Variants in SRPK2 observed in about 807,000 individuals in gnomAD.
The protein encoded by SRPK2 is SRSF protein kinase 2.
SRPK2 carries 21 observed loss-of-function variants against 90.8 expected under a neutral mutation model. That is an observed-to-expected ratio of 0.23 (90% CI 0.16 to 0.33). The LOEUF (loss-of-function observed/expected upper bound fraction) is 0.33, where lower values mean the gene tolerates loss of function less well. Among genes scored for constraint, SRPK2 ranks in the 10% least tolerant of loss-of-function variants. SRPK2 has a pLI of 1.00. For missense variants in SRPK2, 620 were observed against 869.0 expected, an observed-to-expected ratio of 0.71 and a Z score of 3.60; for synonymous variants, 288 against 311.1, an observed-to-expected ratio of 0.93 and a Z score of 0.78.
intron 2 of SRPK2, among the ~76,000 whole-genome samples, chr7:105,229,463 CA>C (rs35192630): frequency 0.19 from 27,478 of 142,250 alleles, 3,136 homozygotes; most frequent in East Asian, 0.59. Context: ...GACTCCGTCT[CA>C]AAAAAAAAAA....
chr7:105,389,158 C>A (rs1161615720), upstream of SRPK2: 2 of 1,020,364 alleles, frequency 2.0e-6, no homozygotes, highest in Admixed American at 6.2e-5. Flanking sequence ...CTCCTGCGAT[C>A]CTGCGGCTGG....
intron 7 of SRPK2, among the ~76,000 whole-genome samples, chr7:105,154,537 G>T (rs928255092): frequency 4.6e-5 from 7 of 152,142 alleles, no homozygotes; most frequent in Admixed American, 3.9e-4. Context: ...TGATACAGGT[G>T]AGAGGACCTG....
chr7:105,302,214 A>C, intron 2 of SRPK2: 1 of 741,946 alleles, frequency 1.3e-6, no homozygotes, highest in South Asian at 1.5e-5. Flanking sequence ...TCTTACATTA[A>C]AAAGGTTGTA....
At chr7:105,297,210 C>T (rs1438587134) in intron 2 of SRPK2, among the ~76,000 whole-genome samples, 1 of 152,078 alleles carries the variant, frequency 6.6e-6, no homozygotes, top group Non-Finnish European at 1.5e-5. Context: ...TTTGCGATTA[C>T]TTTTGGAATA....
chr7:105,165,173 C>T (rs1242017487), intron 6 of SRPK2, among the ~76,000 whole-genome samples: 1 of 152,198 alleles, frequency 6.6e-6, no homozygotes, highest in Non-Finnish European at 1.5e-5. Flanking sequence ...TTGCCAACTC[C>T]TCAGGTAGAG....
intron 2 of SRPK2, among the ~76,000 whole-genome samples, chr7:105,308,996 T>C (rs977671872): frequency 4.6e-5 from 7 of 152,112 alleles, no homozygotes; most frequent in Admixed American, 4.6e-4. Context: ...TCATTTCCTA[T>C]GGCCCCAGTC....
At chr7:105,124,654 A>AG (rs1800898897) in intron 15 of SRPK2, among the ~76,000 whole-genome samples, 1 of 150,818 alleles carries the variant, frequency 6.6e-6, no homozygotes, top group East Asian at 1.9e-4. Flanking sequence ...AAAAAAAAAA[A>AG]AAAAATCAAT....
At chr7:105,140,370 G>A (rs1317317388) in intron 11 of SRPK2, among the ~76,000 whole-genome samples, 2 of 152,152 alleles carry the variant, frequency 1.3e-5, no homozygotes, top group Admixed American at 1.3e-4. Context: ...GGAGGCTGGG[G>A]AGGGCAGATC....
intron 2 of SRPK2, among the ~76,000 whole-genome samples, chr7:105,212,869 T>C (rs1456328328): frequency 6.6e-6 from 1 of 152,204 alleles, no homozygotes; most frequent in Admixed American, 6.5e-5. Context: ...CATGGGGTGA[T>C]GGCTACATGT....
At chr7:105,363,222 A>G (rs1430205689) in intron 2 of SRPK2, among the ~76,000 whole-genome samples, 2 of 151,906 alleles carry the variant, frequency 1.3e-5, no homozygotes, top group East Asian at 3.8e-4. Flanking sequence ...AATAAAAGAA[A>G]CTACCATCAG....
intron 5 of SRPK2, 41 bp from the exon 6 acceptor site, chr7:105,167,505 G>T (rs1218642624): frequency 6.7e-7 from 1 of 1,492,890 alleles, no homozygotes; most frequent in Admixed American, 1.7e-5. Context: ...AGGAGTTTGA[G>T]ACAAAGCATG....
At chr7:105,215,765 T>G (rs981996827) in intron 2 of SRPK2, among the ~76,000 whole-genome samples, 1 of 152,124 alleles carries the variant, frequency 6.6e-6, no homozygotes, top group Admixed American at 6.5e-5. Context: ...TCAATTTGTA[T>G]AAAATGATTA....
chr7:105,334,439 G>A (rs987747934), intron 2 of SRPK2, among the ~76,000 whole-genome samples: 1 of 152,076 alleles, frequency 6.6e-6, no homozygotes, highest in African/African-American at 2.4e-5. Context: ...GGCCAGGCTG[G>A]TCTCGAACTC....
At chr7:105,182,574 C>T (rs1316716631) in intron 3 of SRPK2, among the ~76,000 whole-genome samples, 1 of 151,784 alleles carries the variant, frequency 6.6e-6, no homozygotes, top group Non-Finnish European at 1.5e-5. Flanking sequence ...GTCTCAGTCT[C>T]CCAAGTAGCT....
intron 2 of SRPK2, among the ~76,000 whole-genome samples, chr7:105,340,578 AGTTTTTTGGTTTTT>A (rs1199942259): frequency 6.6e-6 from 1 of 151,768 alleles, no homozygotes; most frequent in African/African-American, 2.4e-5. Flanking sequence ...CGCCCAGCTA[AGTTTTTTGGTTTTT>A]GTTTTTTGGT....
chr7:105,135,757 T>G (rs986427754), intron 11 of SRPK2, among the ~76,000 whole-genome samples: 1 of 151,226 alleles, frequency 6.6e-6, no homozygotes, highest in Non-Finnish European at 1.5e-5. Context: ...CACATTTAAA[T>G]GCAGGGAATT....
intron 2 of SRPK2, among the ~76,000 whole-genome samples, chr7:105,316,839 T>TAGG (rs1044957945): frequency 1.3e-5 from 2 of 152,190 alleles, no homozygotes; most frequent in Admixed American, 6.5e-5. Flanking sequence ...TCTATGACCT[T>TAGG]AGGCAAGCTA....
intron 2 of SRPK2, among the ~76,000 whole-genome samples, chr7:105,371,168 C>G (rs1209744573): frequency 7.0e-6 from 1 of 141,972 alleles, no homozygotes; most frequent in African/African-American, 2.6e-5. Flanking sequence ...CTCTGGGAGC[C>G]CAAGGTGAAT....
intron 2 of SRPK2, among the ~76,000 whole-genome samples, chr7:105,385,640 TC>T (rs1219721236): frequency 6.6e-6 from 1 of 152,134 alleles, no homozygotes; most frequent in Non-Finnish European, 1.5e-5. Flanking sequence ...AGCCCATTCC[TC>T]CCCAGGGCCT....
Sources: allele counts gnomAD v4.1 joint callset (sites outside exome capture counted in the v4.1 genomes callset), GRCh38; gene constraint gnomAD v4.1.1; transcripts MANE v1.5; gene names NCBI Gene and HGNC (gene_info 2026-07-23, HGNC 2026-07-21).